PIBF1: variants seen among roughly 807,000 people sequenced by gnomAD.
PIBF1 encodes progesterone-induced-blocking factor 1.
In PIBF1, 90 loss-of-function variants were observed where a neutral mutation model predicts 112.5. The observed-to-expected ratio is 0.80, with a 90% CI of 0.67 to 0.95. The LOEUF (loss-of-function observed/expected upper bound fraction) is 0.95. Among genes scored for constraint, PIBF1 ranks in the 40% least tolerant of loss-of-function variants. The pLI is 0.00. For synonymous variants in PIBF1, 301 were observed against 288.6 expected (o/e 1.04, Z -0.44); for missense variants, 915 against 852.3 (o/e 1.07, Z -0.92).
At chr13:72,827,949 C>G in intron 8 of PIBF1, 35 bp downstream of exon 8, 1 of 1,414,498 alleles carries the variant, frequency 7.1e-7, no homozygotes, top group Non-Finnish European at 9.4e-7. Context: ...TAAATAGATA[C>G]CAATTAACAG....
intron 10 of PIBF1, among the ~76,000 whole-genome samples, chr13:72,864,640 T>C (rs1422634949): frequency 1.3e-5 from 2 of 152,190 alleles, no homozygotes; most frequent in South Asian, 2.1e-4. Flanking sequence ...TTACATTTGG[T>C]AAATATACCC....
intron 14 of PIBF1, among the ~76,000 whole-genome samples, chr13:72,939,580 G>A (rs764303265): frequency 1.8e-4 from 27 of 152,024 alleles, no homozygotes; most frequent in African/African-American, 4.1e-4. Flanking sequence ...TTTTATGGCC[G>A]AATAATATTC....
intron 10 of PIBF1, among the ~76,000 whole-genome samples, chr13:72,869,218 A>G (rs943158417): frequency 2.0e-5 from 3 of 152,182 alleles, no homozygotes; most frequent in East Asian, 1.9e-4. Context: ...AACCAACCCA[A>G]ATGTCCAACA....
At position 72,783,491 on chromosome 13, in the gene PIBF1, G is replaced by T; in HGVS notation, c.22G>T (p.Glu8Ter). MSRKISK[E>*]SKKVNISSSL... ...AAAAATGTCTCGAAAAATTTCAAAG[G>T]AGTCAAAAAAAGTGAACATCTCTAG... Residue 8 changes from glutamate (E) to a stop codon, truncating the protein, a stop_gained, in exon 2 of 18, where the codon GAG becomes TAG. Coordinates refer to ENST00000326291, the MANE Select transcript of PIBF1 (RefSeq NM_006346.4). LOFTEE classifies it high-confidence loss of function. 1.2e-6 allele frequency: 2 copies of T among 1,600,898 alleles called. No individual in the cohort carries two copies. The highest frequency in any genetic ancestry group is 1.7e-6 in the Non-Finnish European group (2 of 1,172,548).
intron 16 of PIBF1, among the ~76,000 whole-genome samples, chr13:72,994,111 TCAAAAAAAAA>T (rs1321714553): frequency 1.5e-5 from 1 of 65,040 alleles, no homozygotes; most frequent in Non-Finnish European, 2.8e-5. Context: ...AGAACCTGTC[TCAAAAAAAAA>T]AGAAAAAAAA....
intron 13 of PIBF1, among the ~76,000 whole-genome samples, chr13:72,927,984 TATATACACACAC>T (rs1566458125): frequency 6.4e-5 from 4 of 62,926 alleles, no homozygotes; most frequent in African/African-American, 2.8e-4. Flanking sequence ...TATACATATA[TATATACACACAC>T]ATATATATAC....
chr13:72,904,745 ATTTC>A (rs1221297114), intron 11 of PIBF1, among the ~76,000 whole-genome samples: 2 of 151,536 alleles, frequency 1.3e-5, no homozygotes, highest in African/African-American at 4.8e-5. Flanking sequence ...CTGGCAAAAT[ATTTC>A]TTTTTTAATG....
intron 9 of PIBF1, among the ~76,000 whole-genome samples, chr13:72,843,021 A>G (rs906720983): frequency 1.3e-5 from 2 of 152,144 alleles, no homozygotes; most frequent in Non-Finnish European, 2.9e-5. Context: ...AGGAATTTAG[A>G]TATACCTTTG....
chr13:72,934,715 C>G (rs555536896), intron 14 of PIBF1, among the ~76,000 whole-genome samples: 7 of 152,212 alleles, frequency 4.6e-5, no homozygotes, highest in African/African-American at 1.7e-4. Flanking sequence ...AAATACTCCC[C>G]TTTTTAGCAG....
chr13:72,957,145 A>G (rs2042468724), intron 14 of PIBF1, among the ~76,000 whole-genome samples: 1 of 152,226 alleles, frequency 6.6e-6, no homozygotes, highest in African/African-American at 2.4e-5. Context: ...CATTTGATCC[A>G]GCAATCCCAC....
intron 9 of PIBF1, among the ~76,000 whole-genome samples, chr13:72,837,789 A>T (rs751144485): frequency 3.7e-5 from 5 of 133,980 alleles, no homozygotes; most frequent in Non-Finnish European, 9.1e-5. Flanking sequence ...CTGTATACAC[A>T]TATATTTTTG....
At chr13:72,936,845 G>A (rs1043981905) in intron 14 of PIBF1, among the ~76,000 whole-genome samples, 4 of 151,916 alleles carry the variant, frequency 2.6e-5, no homozygotes, top group African/African-American at 4.8e-5. Context: ...TTGACATTAC[G>A]TAAGTTGAAT....
chr13:72,824,496 A>G (rs770771366), intron 6 of PIBF1, among the ~76,000 whole-genome samples: 15 of 152,222 alleles, frequency 9.9e-5, no homozygotes, highest in Non-Finnish European at 1.9e-4. Flanking sequence ...AGAGGATCTT[A>G]AAATTTTTTT....
rs114444873 is a variant in PIBF1 at position 72,893,574 on chromosome 13, G to A, written c.1323-210G>A. 8.0e-3 allele frequency among the ~76,000 whole-genome samples: 1,222 copies of A among 152,204 alleles called. 14 individuals carry two copies. Among genetic ancestry groups the A allele is most frequent in the African/African-American group, 0.028 (1,147 of 41,554 alleles). On this transcript the variant is annotated intron_variant, in intron 10 of 17. Coordinates refer to ENST00000326291, the MANE Select transcript of PIBF1 (RefSeq NM_006346.4). ...GCTAGAAAGAATGAAAATAAGGGTA[G>A]AATGGTGAAAGTTAATTGATATGTT...
intron 5 of PIBF1, among the ~76,000 whole-genome samples, chr13:72,807,178 CAAAA>C (rs35154761): frequency 7.2e-6 from 1 of 138,506 alleles, no homozygotes; most frequent in Non-Finnish European, 1.5e-5. Context: ...GGATAAGAGC[CAAAA>C]AAAAAAAAGG....
At chr13:73,000,978 G>T (rs938128121) in intron 17 of PIBF1, among the ~76,000 whole-genome samples, 1 of 151,980 alleles carries the variant, frequency 6.6e-6, no homozygotes. Flanking sequence ...AATAATAAGG[G>T]AAATTTTTTT....
intron 14 of PIBF1, among the ~76,000 whole-genome samples, chr13:72,960,640 A>C (rs2042579976): frequency 1.3e-5 from 2 of 152,126 alleles, no homozygotes; most frequent in East Asian, 1.9e-4. Flanking sequence ...CCCTTTCCCC[A>C]CACACACACT....
At chr13:72,826,228 G>C (rs2036808871) in intron 6 of PIBF1, among the ~76,000 whole-genome samples, 1 of 151,998 alleles carries the variant, frequency 6.6e-6, no homozygotes, top group Non-Finnish European at 1.5e-5. Flanking sequence ...TGGGTTTGTA[G>C]GTGATTGTTA....
intron 11 of PIBF1, among the ~76,000 whole-genome samples, chr13:72,903,108 G>C (rs1192090474): frequency 6.6e-6 from 1 of 151,932 alleles, no homozygotes. Flanking sequence ...ATGTTGGCCA[G>C]GCTCATCTCA....
Sources: allele counts gnomAD v4.1 joint callset (sites outside exome capture counted in the v4.1 genomes callset), GRCh38; gene constraint gnomAD v4.1.1; transcripts MANE v1.5; gene names NCBI Gene and HGNC (gene_info 2026-07-23, HGNC 2026-07-21).